Variants in GPC1 observed in about 807,000 individuals in gnomAD.
The protein encoded by GPC1 is glypican 1, also known as glypican-1.
Under a neutral mutation model 51.5 loss-of-function variants are expected in GPC1, and 26 were observed. The observed-to-expected ratio is 0.50, with a 90% CI of 0.37 to 0.70. GPC1 has a LOEUF of 0.70. Among genes scored for constraint, GPC1 ranks in the 30% least tolerant of loss-of-function variants. The probability of loss-of-function intolerance (pLI) is 0.00; values close to 1 mark genes in which losing one functional copy is unlikely to be tolerated. For synonymous variants in GPC1, 380 were observed against 348.3 expected, an observed-to-expected ratio of 1.09 and a Z score of -1.01; for missense variants, 775 against 800.5, an observed-to-expected ratio of 0.97 and a Z score of 0.38.
Position 240,436,101 on chromosome 2 carries a change from C to T in GPC1, c.166+17C>T. On this transcript the variant is annotated intron_variant, in intron 1 of 8. Coordinates refer to ENST00000264039, the MANE Select transcript of GPC1 (RefSeq NM_002081.3). ...AGATCTCGGGTGAGTGAGGGCGCGG[C>T]GCCGGGAACCCGGGCCTGGCCGGGC... 7.1e-6 allele frequency: 9 copies of T among 1,271,286 alleles called. No individual in the cohort carries two copies. Among genetic ancestry groups the T allele is most frequent in the Non-Finnish European group, 8.9e-6 (9 of 1,008,228 alleles). The allele number at this position is 1,271,286 out of a possible 1,614,324, so 78.8% of individuals were successfully genotyped here. A position where few individuals can be genotyped will look rare whatever the true frequency, so the allele number is the denominator to read the frequency against.
intron 1 of GPC1, chr2:240,449,626 G>T (rs967455968): frequency 1.3e-5 from 4 of 318,356 alleles, no homozygotes; most frequent in Admixed American, 1.3e-4. Flanking sequence ...TCATGCTGTT[G>T]TGCGGCCGTC....
chr2:240,450,994 T>G, intron 1 of GPC1: 1 of 394,922 alleles, frequency 2.5e-6, no homozygotes, highest in Non-Finnish European at 5.3e-6. Context: ...GGTGACTGGG[T>G]GGAGTGACTG....
At chr2:240,454,083 G>T (rs868031534) in intron 1 of GPC1, among the ~76,000 whole-genome samples, 14 of 152,028 alleles carry the variant, frequency 9.2e-5, no homozygotes, top group African/African-American at 3.4e-4. Flanking sequence ...TCGGGCAGAC[G>T]GCAGGGGTGT....
intron 3 of GPC1, among the ~76,000 whole-genome samples, chr2:240,462,923 G>C (rs185799498): frequency 1.3e-5 from 2 of 152,146 alleles, no homozygotes; most frequent in Non-Finnish European, 1.5e-5. Context: ...AACAACATGC[G>C]TGGGGGCCGG....
Position 240,451,411 on chromosome 2 carries a change from G to A in GPC1, c.167-7619G>A, listed in dbSNP as rs140201581. On this transcript the variant is annotated intron_variant, in intron 1 of 8. Transcript: ENST00000264039. Reference sequence around the variant, plus strand: ...CCTGTGGCCCCTGCAGTGGGTGTACGGGAAGCTAGATGGGAGAGCTGGGCA... The same window carrying A: ...CCTGTGGCCCCTGCAGTGGGTGTACAGGAAGCTAGATGGGAGAGCTGGGCA... 3,094 of 377,142 alleles carry A rather than the reference G, an allele frequency of 8.2e-3. 23 individuals are homozygous for A. Among genetic ancestry groups the A allele is most frequent in the Non-Finnish European group, 0.013 (2,435 of 181,412 alleles). 23.4% of individuals were successfully genotyped at this position (377,142 alleles called of 1,614,324 possible).
At chr2:240,459,308 G>T in intron 2 of GPC1, 120 bp downstream of exon 2, 5 of 991,394 alleles carry the variant, frequency 5.0e-6, no homozygotes, top group Non-Finnish European at 7.4e-6. Flanking sequence ...AGGAGGTGGG[G>T]GAGTTAGTGC....
intron 1 of GPC1, chr2:240,442,365 A>AGCAGCT (rs1431430962): frequency 6.6e-6 from 1 of 152,236 alleles, no homozygotes; most frequent in African/African-American, 2.4e-5. Flanking sequence ...CCACAGGCTG[A>AGCAGCT]GCAGCTGCAG....
chr2:240,458,678 C>T (rs1206497509), intron 1 of GPC1: 5 of 239,004 alleles, frequency 2.1e-5, no homozygotes, highest in African/African-American at 8.9e-5. Context: ...GGGTGCCTTT[C>T]GGGCCTGGGA....
At chr2:240,449,629 C>T (rs558940864) in intron 1 of GPC1, 4 of 316,540 alleles carry the variant, frequency 1.3e-5, no homozygotes, top group East Asian at 8.0e-5. Flanking sequence ...TGCTGTTGTG[C>T]GGCCGTCACC....
intron 1 of GPC1, among the ~76,000 whole-genome samples, chr2:240,438,590 T>C (rs2073999026): frequency 6.6e-6 from 1 of 152,200 alleles, no homozygotes; most frequent in African/African-American, 2.4e-5. Context: ...GTTGGGCACC[T>C]CGCTGGCCCG....
intron 1 of GPC1, among the ~76,000 whole-genome samples, chr2:240,447,320 C>T (rs1187571232): frequency 6.6e-6 from 1 of 152,208 alleles, no homozygotes; most frequent in Non-Finnish European, 1.5e-5. Flanking sequence ...AGCAAAGTCC[C>T]TGTACTCCCT....
At position 240,464,672 on chromosome 2, in the gene GPC1, A is replaced by G. The variant is rs1338883490; in HGVS notation, c.940A>G (p.Ile314Val). 4 of 1,613,152 alleles carry G rather than the reference A, an allele frequency of 2.5e-6. No homozygotes were observed. Among genetic ancestry groups the G allele is most frequent in the East Asian group, 4.5e-5 (2 of 44,878 alleles). The part of the protein sequence containing the change: ...FWGTSGVESV[I>V]GSVHTWLAEA... ...GGGTACATCGGGTGTGGAGAGTGTCATCGGCAGCGTGCACACGTGGCTGGC... is the reference window on the plus strand; with the variant it reads ...GGGTACATCGGGTGTGGAGAGTGTCGTCGGCAGCGTGCACACGTGGCTGGC... The change falls in exon 5 of 9, where the codon ATC becomes GTC. Residue 314 changes from isoleucine to valine, a missense_variant. Coordinates refer to ENST00000264039, the MANE Select transcript of GPC1 (RefSeq NM_002081.3).
At chr2:240,456,615 C>T (rs1300491544) in intron 1 of GPC1, 2 of 470,712 alleles carry the variant, frequency 4.2e-6, no homozygotes, top group Non-Finnish European at 8.8e-6. Context: ...GTCCGGCTGA[C>T]CTGTGCTCTC....
intron 1 of GPC1, among the ~76,000 whole-genome samples, chr2:240,453,318 C>CCCG (rs1559198118): frequency 4.4e-4 from 2 of 4,572 alleles, no homozygotes. Flanking sequence ...GCTCCCACCG[C>CCCG]CCGCCCCGCT....
chr2:240,457,333 G>A, intron 1 of GPC1: 1 of 441,152 alleles, frequency 2.3e-6, no homozygotes, highest in East Asian at 7.4e-5. Flanking sequence ...AGGCTACAGG[G>A]GCCAAGCGGC....
intron 1 of GPC1, chr2:240,450,068 T>C (rs1559196593): frequency 2.7e-6 from 1 of 364,808 alleles, no homozygotes. Flanking sequence ...AATACTTTCA[T>C]ACTGTACTAA....
chr2:240,465,011 G>A lies in GPC1; in HGVS notation c.1134+36G>A, dbSNP rs1482733275. ...CCTGCGTGTCCACTGGACCAGGCAT[G>A]AGGGAGGCAGACAGGCAGAGGCGGG... On this transcript the variant is annotated intron_variant, in intron 6 of 8. Transcript: ENST00000264039. The A allele has an allele frequency of 3.2e-6, 5 of 1,572,724 alleles. No homozygotes were observed. The African/African-American group carries it at 5.4e-5, about 17-fold the overall frequency.
At chr2:240,438,925 C>T (rs1204416005) in intron 1 of GPC1, among the ~76,000 whole-genome samples, 3 of 152,278 alleles carry the variant, frequency 2.0e-5, no homozygotes, top group Admixed American at 6.5e-5. Flanking sequence ...CAGGGCACGG[C>T]ACAGAAGGCA....
At chr2:240,450,390 G>A (rs977760874) in intron 1 of GPC1, 81 of 347,920 alleles carry the variant, frequency 2.3e-4, no homozygotes, top group African/African-American at 7.3e-4. Flanking sequence ...TTGGGGAGGC[G>A]GGGGATGCTA....
Sources: allele counts gnomAD v4.1 joint callset (sites outside exome capture counted in the v4.1 genomes callset), GRCh38; gene constraint gnomAD v4.1.1; transcripts MANE v1.5; gene names NCBI Gene and HGNC (gene_info 2026-07-23, HGNC 2026-07-21).